The following ARID4A variants were observed in gnomAD, a reference collection of about 807,000 sequenced individuals.
ARID4A encodes the protein AT-rich interactive domain-containing protein 4A.
A neutral mutation model predicts 148.6 loss-of-function variants in ARID4A; 39 were observed. The observed-to-expected ratio is 0.26, with a 90% CI of 0.20 to 0.34. ARID4A has a LOEUF of 0.34. Among genes scored for constraint, ARID4A ranks in the 10% least tolerant of loss-of-function variants. ARID4A has a pLI of 1.00. For synonymous variants in ARID4A, 475 were observed against 481.2 expected, an observed-to-expected ratio of 0.99 and a Z score of 0.17; for missense variants, 1,265 against 1,449.1, an observed-to-expected ratio of 0.87 and a Z score of 2.06.
At position 58,373,383 on chromosome 14, in the gene ARID4A, G is replaced by T; in HGVS notation, c.*1394G>T. On this transcript the variant is annotated 3_prime_UTR_variant, in exon 24 of 24. Coordinates refer to ENST00000355431, the MANE Select transcript of ARID4A (RefSeq NM_002892.4). ...TTATAAAAGCAGTTTTTAAATTCATGTTTGTACATTGAAAGGGGTTTTTTT... is the reference window on the plus strand; with the variant it reads ...TTATAAAAGCAGTTTTTAAATTCATTTTTGTACATTGAAAGGGGTTTTTTT... The T allele has an allele frequency of 5.4e-6, 1 of 183,980 alleles. No homozygotes were observed. 11.4% of individuals were successfully genotyped at this position (183,980 alleles called of 1,614,324 possible).
At chr14:58,342,742 GTC>G (rs1419880933) in intron 11 of ARID4A, among the ~76,000 whole-genome samples, 3 of 152,084 alleles carry the variant, frequency 2.0e-5, no homozygotes, top group Admixed American at 6.6e-5. Flanking sequence ...GCGAAACCCA[GTC>G]TCTACTAAAA....
chr14:58,301,007 A>G (rs770599557), intron 2 of ARID4A, among the ~76,000 whole-genome samples: 5 of 152,234 alleles, frequency 3.3e-5, no homozygotes, highest in Non-Finnish European at 7.4e-5. Context: ...AGGTATACCT[A>G]CAAGTCTGGA....
At chr14:58,340,479 A>T (rs1166929926) in intron 11 of ARID4A, among the ~76,000 whole-genome samples, 3 of 152,176 alleles carry the variant, frequency 2.0e-5, no homozygotes. Flanking sequence ...CCTCCTGAGT[A>T]GCTGGGATTA....
chr14:58,348,521 G>T (rs1328729469), intron 15 of ARID4A, among the ~76,000 whole-genome samples: 1 of 152,154 alleles, frequency 6.6e-6, no homozygotes, highest in African/African-American at 2.4e-5. Context: ...TATGCTGGTT[G>T]TATCTTCCAA....
chr14:58,371,789 G>A (rs2035626906), intron 23 of ARID4A, 97 bp from the exon 24 acceptor site: 2 of 935,672 alleles, frequency 2.1e-6, no homozygotes, highest in African/African-American at 3.3e-5. Flanking sequence ...CTGTGATTAA[G>A]GTGAATAATG....
chr14:58,345,367 T>G (rs1356107856), intron 12 of ARID4A, among the ~76,000 whole-genome samples: 1 of 152,240 alleles, frequency 6.6e-6, no homozygotes, highest in Non-Finnish European at 1.5e-5. Flanking sequence ...TGACCAGTTA[T>G]GTTAATCTGC....
intron 2 of ARID4A, among the ~76,000 whole-genome samples, chr14:58,300,461 G>T (rs75983649): frequency 0.011 from 1,688 of 152,296 alleles, 19 homozygotes; most frequent in Non-Finnish European, 0.017. Context: ...GTTCTTGAAT[G>T]CTGTGGCCAT....
rs773207086 is a variant in ARID4A, at chr14:58,366,013, ATTAT to A, written c.3317-6_3317-3del. ...TTTATAATCTGAGTCAATCTTTTTT[ATTAT>A]TTATAGGACAAAGCAGTGATAGTGA... On this transcript the variant is annotated splice_region_variant and splice_polypyrimidine_tract_variant and intron_variant, in intron 21 of 23. Transcript: ENST00000355431. 6.4e-7 allele frequency: 1 copy of A among 1,574,194 alleles called. No individual in the cohort carries two copies. Among genetic ancestry groups the A allele is most frequent in the South Asian group, 1.2e-5 (1 of 86,124 alleles).
intron 5 of ARID4A, among the ~76,000 whole-genome samples, chr14:58,310,983 C>G (rs925955480): frequency 6.6e-6 from 1 of 152,118 alleles, no homozygotes; most frequent in African/African-American, 2.4e-5. Context: ...CGGTGGCTCA[C>G]GCCTGTAATC....
In ARID4A at chr14:58,323,494, TGAAAAG is replaced by T; in HGVS notation, c.463_468del (p.Lys155_Glu156del). On this transcript the variant is annotated inframe_deletion, in exon 8 of 24. Coordinates refer to ENST00000355431, the MANE Select transcript of ARID4A (RefSeq NM_002892.4). ...TTATTCTAACTTTTAGTACTGAAGA[TGAAAAG>T]GAAGAAGAAAGCAGTGAAGAGGAAG... The T allele has an allele frequency of 6.2e-7, 1 of 1,610,464 alleles. No homozygotes were observed. Among genetic ancestry groups the T allele is most frequent in the Non-Finnish European group, 8.5e-7 (1 of 1,176,748 alleles).
chr14:58,302,123 C>T (rs780975721), intron 3 of ARID4A, among the ~76,000 whole-genome samples: 11 of 151,434 alleles, frequency 7.3e-5, no homozygotes, highest in South Asian at 6.3e-4. Context: ...TTTGGGAGGC[C>T]GAAGTGGGCA....
chr14:58,299,619 C>T (rs1177200985), intron 1 of ARID4A, 179 bp from the exon 2 acceptor site: 2 of 597,000 alleles, frequency 3.4e-6, no homozygotes, highest in South Asian at 2.0e-5. Context: ...CCCTTTGGCG[C>T]TCGTGGGGTT....
intron 18 of ARID4A, 99 bp downstream of exon 18, chr14:58,359,315 C>T (rs2035030002): frequency 1.7e-6 from 2 of 1,182,712 alleles, no homozygotes; most frequent in African/African-American, 1.6e-5. Context: ...AGGTTTATAC[C>T]AAGATTGAGA....
chr14:58,317,192 CAA>C (rs575688131), intron 5 of ARID4A, among the ~76,000 whole-genome samples: 6 of 59,730 alleles, frequency 1.0e-4, no homozygotes, highest in Admixed American at 1.9e-4. Flanking sequence ...GACTCAGTCT[CAA>C]AAAAAAAAAA....
At chr14:58,326,684 A>G (rs888416823) in intron 8 of ARID4A, among the ~76,000 whole-genome samples, 1 of 152,220 alleles carries the variant, frequency 6.6e-6, no homozygotes, top group Non-Finnish European at 1.5e-5. Context: ...GCGTGTTACT[A>G]GAAAGACTGG....
chr14:58,365,450 T>A, intron 20 of ARID4A, 68 bp from the exon 21 acceptor site: 1 of 1,402,856 alleles, frequency 7.1e-7, no homozygotes, highest in Non-Finnish European at 9.7e-7. Context: ...TGTAGTCTGT[T>A]GAATAATATA....
intron 17 of ARID4A, among the ~76,000 whole-genome samples, chr14:58,357,184 G>A (rs1304374353): frequency 3.3e-5 from 5 of 152,154 alleles, no homozygotes; most frequent in Non-Finnish European, 7.3e-5. Context: ...AGTTGATTTT[G>A]CTCAACTCTA....
At chr14:58,355,662 A>G (rs1431601807) in intron 17 of ARID4A, among the ~76,000 whole-genome samples, 1 of 152,192 alleles carries the variant, frequency 6.6e-6, no homozygotes, top group Non-Finnish European at 1.5e-5. Context: ...ATGAATGTTA[A>G]CTGTTTTCTT....
At chr14:58,350,723 A>G (rs1453638943) in intron 15 of ARID4A, among the ~76,000 whole-genome samples, 1 of 152,204 alleles carries the variant, frequency 6.6e-6, no homozygotes, top group Non-Finnish European at 1.5e-5. Flanking sequence ...ATTTATTTTA[A>G]ATTTTTATTA....
Sources: gnomAD v4.1 joint callset for allele counts (sites outside exome capture counted in the v4.1 genomes callset) on GRCh38, gnomAD v4.1.1 for gene constraint, MANE v1.5 for transcripts, NCBI Gene and HGNC (gene_info 2026-07-23, HGNC 2026-07-21) for gene names.